MYO18B: variants seen among roughly 807,000 people sequenced by gnomAD.
The protein encoded by MYO18B is unconventional myosin-XVIIIb.
Under a neutral mutation model 273.0 loss-of-function variants are expected in MYO18B, and 204 were observed. The ratio of observed to expected loss-of-function variants is 0.75; its 90% CI spans 0.67 to 0.84. The LOEUF is 0.84. MYO18B is among the 40% of genes least tolerant of loss of function. MYO18B has a pLI of 0.00. For missense variants in MYO18B, 3,212 were observed against 3,287.6 expected (o/e 0.98, Z 0.56); for synonymous variants, 1,330 against 1,305.7 (o/e 1.02, Z -0.40).
At chr22:25,744,151 C>T (rs147634473) in intron 1 of MYO18B, among the ~76,000 whole-genome samples, 41 of 152,256 alleles carry the variant, frequency 2.7e-4, no homozygotes, top group Non-Finnish European at 5.6e-4. Context: ...ACATGGAAAA[C>T]GTGCACAGCA....
intron 39 of MYO18B, among the ~76,000 whole-genome samples, chr22:25,981,647 A>G (rs2093149838): frequency 6.6e-6 from 1 of 152,226 alleles, no homozygotes; most frequent in African/African-American, 2.4e-5. Context: ...CAGGAGGCTG[A>G]GGCAGGAGGA....
chr22:26,029,367 C>T (rs760294926), intron 43 of MYO18B, among the ~76,000 whole-genome samples: 8 of 152,186 alleles, frequency 5.3e-5, no homozygotes, highest in Non-Finnish European at 1.0e-4. Context: ...AAAGCCATTG[C>T]CCCTTCCGTG....
At chr22:25,985,962 C>G (rs570484465) in intron 39 of MYO18B, among the ~76,000 whole-genome samples, 14 of 152,334 alleles carry the variant, frequency 9.2e-5, no homozygotes, top group African/African-American at 3.4e-4. Context: ...ACTTCACACC[C>G]TCCAGCGTCA....
intron 7 of MYO18B, among the ~76,000 whole-genome samples, chr22:25,774,756 A>T (rs1157247876): frequency 6.6e-6 from 1 of 152,034 alleles, no homozygotes; most frequent in Non-Finnish European, 1.5e-5. Flanking sequence ...TGGGGTCTGG[A>T]CACACCGGGG....
At chr22:25,872,556 A>G (rs1569135480) in intron 22 of MYO18B, among the ~76,000 whole-genome samples, 1 of 152,232 alleles carries the variant, frequency 6.6e-6, no homozygotes, top group African/African-American at 2.4e-5. Flanking sequence ...ATGTAGATGC[A>G]TGTAATGTTC....
the MYO18B span, among the ~76,000 whole-genome samples, chr22:26,047,302 A>G: frequency 2.6e-5 from 4 of 151,736 alleles, no homozygotes; most frequent in African/African-American, 9.7e-5. Context: ...AATTTGTTGT[A>G]TTTTTAGTAG....
intron 39 of MYO18B, 109 bp from the exon 40 acceptor site, chr22:25,992,254 T>G: frequency 1.5e-6 from 2 of 1,371,672 alleles, no homozygotes; most frequent in Admixed American, 1.8e-5. Flanking sequence ...ACTTCATAGG[T>G]GCTCAGTGAA....
intron 34 of MYO18B, among the ~76,000 whole-genome samples, chr22:25,926,506 G>A (rs1314116720): frequency 6.6e-6 from 1 of 152,090 alleles, no homozygotes; most frequent in East Asian, 1.9e-4. Context: ...GTTTTACTGA[G>A]TTGGTCTCTA....
Position 25,763,353 on chromosome 22 carries a change from G to T in MYO18B, c.162G>T (p.Gln54His). 1 of 1,612,836 alleles carries T rather than the reference G, an allele frequency of 6.2e-7. No homozygotes were observed. Among genetic ancestry groups the T allele is most frequent in the Non-Finnish European group, 8.5e-7 (1 of 1,179,664 alleles). ...AAAAAGAGGCCAAGGAAGCGAGACA[G>T]AGGAAGCAGTTAGCTGTCGCCTCTC... Reference protein sequence around the residue: ...GTEKEAKEARQRKQLAVASPE... With the variant: ...GTEKEAKEARHRKQLAVASPE... The change falls in exon 3 of 44, where the codon CAG becomes CAT. Residue 54 changes from glutamine to histidine, a missense_variant. Coordinates refer to ENST00000335473, the MANE Select transcript of MYO18B (RefSeq NM_032608.7).
At chr22:26,015,395 C>T (rs1935239055) in intron 42 of MYO18B, among the ~76,000 whole-genome samples, 2 of 152,128 alleles carry the variant, frequency 1.3e-5, no homozygotes, top group African/African-American at 4.8e-5. Flanking sequence ...GACATGGAAT[C>T]AACTTAAATG....
At chr22:25,966,642 A>G (rs568920539) in intron 39 of MYO18B, among the ~76,000 whole-genome samples, 1 of 151,812 alleles carries the variant, frequency 6.6e-6, no homozygotes, top group South Asian at 2.1e-4. Context: ...TTTAATCCCT[A>G]CTCCTAATGG....
At chr22:25,932,450 C>A (rs2092519573) in intron 34 of MYO18B, among the ~76,000 whole-genome samples, 1 of 146,136 alleles carries the variant, frequency 6.8e-6, no homozygotes, top group East Asian at 2.0e-4. Flanking sequence ...CTCTTGTCGC[C>A]CAGGCTGGAG....
At chr22:25,895,400 C>T (rs2091775355) in intron 28 of MYO18B, 120 bp downstream of exon 28, 1 of 1,237,696 alleles carries the variant, frequency 8.1e-7, no homozygotes, top group Non-Finnish European at 1.1e-6. Context: ...ACACAAACCC[C>T]TTAAGGTTTT....
At chr22:26,052,152 G>T in the MYO18B span, among the ~76,000 whole-genome samples, 1 of 152,334 alleles carries the variant, frequency 6.6e-6, no homozygotes, top group South Asian at 2.1e-4. Flanking sequence ...TGCTGGAATG[G>T]AAATTGGGTG....
In MYO18B at chr22:26,027,086, C is replaced by A; in HGVS notation, c.7112C>A (p.Pro2371His). 1 of 1,613,980 alleles carries A rather than the reference C, an allele frequency of 6.2e-7. No homozygotes were observed. The highest frequency in any genetic ancestry group is 8.5e-7 in the Non-Finnish European group (1 of 1,179,894). ...MGRKLSSPTT[P>H]RDMLLSPTLR... ...AGAAAACTGAGCTCTCCGACCACAC[C>A]CAGGGACATGCTGTTGTCGCCCACA... is the stretch of plus-strand genomic sequence containing the variant. The change falls in exon 43 of 44, where the codon CCC (proline) becomes CAC (histidine). Residue 2371 changes from proline (P) to histidine (H), a missense_variant. Physicochemically the swap from Pro to His is moderately conservative, Grantham distance 77 (BLOSUM62 -2). Coordinates refer to ENST00000335473, the MANE Select transcript of MYO18B (RefSeq NM_032608.7). This position sits in a 1 kb window ranked among gnomAD's most constrained non-coding sequence, Gnocchi z 4.1.
chr22:25,815,970 T>C (rs961806275), intron 12 of MYO18B, among the ~76,000 whole-genome samples: 2 of 152,204 alleles, frequency 1.3e-5, no homozygotes, highest in Non-Finnish European at 2.9e-5. Flanking sequence ...AATTTATAGA[T>C]GGCACATCGG....
chr22:25,876,356 T>C, intron 24 of MYO18B, 24 bp downstream of exon 24: 10 of 1,577,160 alleles, frequency 6.3e-6, no homozygotes, highest in Non-Finnish European at 8.6e-6. Context: ...GCAGGCAGGG[T>C]GCTGGGTGGC....
At chr22:25,830,276 T>G (rs2089657561) in intron 15 of MYO18B, among the ~76,000 whole-genome samples, 1 of 152,166 alleles carries the variant, frequency 6.6e-6, no homozygotes, top group South Asian at 2.1e-4. Flanking sequence ...CTCAATTTTT[T>G]TTTTTACGTG....
At chr22:25,996,989 A>G (rs1933322745) in intron 40 of MYO18B, among the ~76,000 whole-genome samples, 1 of 152,110 alleles carries the variant, frequency 6.6e-6, no homozygotes, top group African/African-American at 2.4e-5. Flanking sequence ...TGCCCCAGGC[A>G]GGATTGGCCA....
Sources: allele counts gnomAD v4.1 joint callset (sites outside exome capture counted in the v4.1 genomes callset), GRCh38; gene constraint gnomAD v4.1.1; non-coding constraint Gnocchi (gnomAD v3.1); transcripts MANE v1.5; gene names NCBI Gene and HGNC (gene_info 2026-07-23, HGNC 2026-07-21).